RNF150: variants seen among roughly 807,000 people sequenced by gnomAD.
RNF150 encodes ring finger protein 150.
A neutral mutation model predicts 39.3 loss-of-function variants in RNF150; 24 were observed. That is an observed-to-expected ratio of 0.61 (90% confidence interval 0.44 to 0.86). RNF150 has a LOEUF of 0.86. Ranked by LOEUF, RNF150 falls within the 40% of genes least tolerant of loss-of-function variation. The pLI, the probability that RNF150 is intolerant of heterozygous loss-of-function variation, is 0.00. For missense variants in RNF150, 502 were observed against 587.8 expected (o/e 0.85, Z 1.51); for synonymous variants, 255 against 227.3 (o/e 1.12, Z -1.10).
intron 1 of RNF150, among the ~76,000 whole-genome samples, chr4:140,999,073 G>A (rs1734484029): frequency 6.6e-6 from 1 of 152,100 alleles, no homozygotes; most frequent in Non-Finnish European, 1.5e-5. Flanking sequence ...CTCAAAGTAG[G>A]GAAGGTGGAA....
chr4:141,136,242 G>A (rs1315840623), upstream of RNF150, among the ~76,000 whole-genome samples: 1 of 152,112 alleles, frequency 6.6e-6, no homozygotes, highest in Non-Finnish European at 1.5e-5. Flanking sequence ...TTCCTGACTT[G>A]GATATTTATA....
intron 1 of RNF150, among the ~76,000 whole-genome samples, chr4:141,098,855 T>G (rs1355165213): frequency 1.3e-5 from 2 of 152,162 alleles, no homozygotes; most frequent in African/African-American, 4.8e-5. Context: ...ATCAGGAAGT[T>G]TTATTAGACT....
intron 1 of RNF150, among the ~76,000 whole-genome samples, chr4:141,005,839 C>T (rs1309657126): frequency 7.7e-6 from 1 of 130,102 alleles, no homozygotes; most frequent in Non-Finnish European, 1.7e-5. Flanking sequence ...GAGGCCGAGG[C>T]GGGCGGATCA....
At chr4:141,004,207 T>C (rs1292267392) in intron 1 of RNF150, among the ~76,000 whole-genome samples, 1 of 150,374 alleles carries the variant, frequency 6.7e-6, no homozygotes, top group African/African-American at 2.5e-5. Context: ...GTTTAAACTT[T>C]AGTGGGAAGA....
chr4:140,878,404 C>A (rs1729250346), intron 6 of RNF150, among the ~76,000 whole-genome samples: 1 of 152,058 alleles, frequency 6.6e-6, no homozygotes, highest in Non-Finnish European at 1.5e-5. Flanking sequence ...CTCCTGGTCT[C>A]AAGTTGATTC....
chr4:140,964,340 T>C (rs1169965989), intron 2 of RNF150, among the ~76,000 whole-genome samples: 1 of 151,658 alleles, frequency 6.6e-6, no homozygotes, highest in Non-Finnish European at 1.5e-5. Context: ...ATAAAATTGT[T>C]TATTATGGGG....
intron 1 of RNF150, among the ~76,000 whole-genome samples, chr4:141,164,638 G>A (rs959229284): frequency 6.6e-6 from 1 of 152,132 alleles, no homozygotes; most frequent in East Asian, 1.9e-4. Context: ...AGAAGAGAGT[G>A]GGGGCCAATA....
intron 1 of RNF150, among the ~76,000 whole-genome samples, chr4:141,032,161 T>A (rs1735974043): frequency 6.6e-6 from 1 of 151,710 alleles, no homozygotes; most frequent in Non-Finnish European, 1.5e-5. Context: ...CTGGAAGACA[T>A]AACACTAAGT....
At chr4:141,083,281 T>C (rs1005063363) in intron 1 of RNF150, among the ~76,000 whole-genome samples, 2 of 152,220 alleles carry the variant, frequency 1.3e-5, no homozygotes, top group South Asian at 4.1e-4. Context: ...GATTTTTAGA[T>C]AACCACTTTT....
intron 1 of RNF150, among the ~76,000 whole-genome samples, chr4:141,123,290 C>T (rs1474819867): frequency 3.3e-5 from 5 of 152,158 alleles, no homozygotes; most frequent in Admixed American, 2.6e-4. Flanking sequence ...CTAAATGCCC[C>T]ACTCTTGTGG....
intron 1 of RNF150, among the ~76,000 whole-genome samples, chr4:141,078,838 C>CAT (rs1434656607): frequency 1.1e-4 from 16 of 141,342 alleles, no homozygotes; most frequent in African/African-American, 2.7e-4. Flanking sequence ...TATATACACA[C>CAT]ACACACACAC....
intron 1 of RNF150, among the ~76,000 whole-genome samples, chr4:141,006,227 TATATGTGTATGTATATATATACATAC>T (rs1734865954): frequency 2.4e-5 from 1 of 41,660 alleles, no homozygotes; most frequent in African/African-American, 4.3e-5. Context: ...TATACACATA[TATATGTGTATGTATATATATACATAC>T]ATATATACGT....
intron 5 of RNF150, among the ~76,000 whole-genome samples, chr4:140,918,936 A>T (rs1209824621): frequency 6.6e-6 from 1 of 152,206 alleles, no homozygotes; most frequent in Admixed American, 6.5e-5. Context: ...GACAAAAACC[A>T]CATGATTATC....
At chr4:141,141,386 A>T (rs757200516) in intron 1 of RNF150, among the ~76,000 whole-genome samples, 6 of 152,166 alleles carry the variant, frequency 3.9e-5, no homozygotes, top group African/African-American at 1.2e-4. Context: ...GCTTGACTCT[A>T]TTGGAGTCTA....
chr4:141,121,769 AAAT>A (rs1726612515), intron 1 of RNF150, among the ~76,000 whole-genome samples: 1 of 152,218 alleles, frequency 6.6e-6, no homozygotes, highest in South Asian at 2.1e-4. Flanking sequence ...AATTTAAAAA[AAAT>A]TAAAATTTTA....
intron 4 of RNF150, among the ~76,000 whole-genome samples, chr4:140,933,573 T>G (rs1208365987): frequency 6.6e-6 from 1 of 152,222 alleles, no homozygotes; most frequent in Non-Finnish European, 1.5e-5. Context: ...ACTCAACCTG[T>G]ATTATGATAT....
chr4:140,934,222 C>T (rs1253046828), intron 4 of RNF150, among the ~76,000 whole-genome samples: 1 of 152,140 alleles, frequency 6.6e-6, no homozygotes, highest in Non-Finnish European at 1.5e-5. Flanking sequence ...GTTGGCCAGG[C>T]TGGTCTGGAA....
intron 2 of RNF150, among the ~76,000 whole-genome samples, chr4:140,962,268 TATTTAA>T (rs896839460): frequency 6.6e-6 from 1 of 151,942 alleles, no homozygotes; most frequent in African/African-American, 2.4e-5. Context: ...TATGTGTGAC[TATTTAA>T]ATTTAAGTTA....
At chr4:141,122,136 C>T (rs1228669935) in intron 1 of RNF150, among the ~76,000 whole-genome samples, 2 of 152,128 alleles carry the variant, frequency 1.3e-5, no homozygotes, top group Non-Finnish European at 2.9e-5. Flanking sequence ...AGTGACTTGC[C>T]AACCGAAAAG....
Sources: allele counts gnomAD v4.1 joint callset (sites outside exome capture counted in the v4.1 genomes callset), GRCh38; gene constraint gnomAD v4.1.1; transcripts MANE v1.5; gene names NCBI Gene and HGNC (gene_info 2026-07-23, HGNC 2026-07-21).